TMEM272: variants seen among roughly 807,000 people sequenced by gnomAD.
The protein encoded by TMEM272 is transmembrane protein 272.
In TMEM272, 8 loss-of-function variants were observed where a neutral mutation model predicts 3.7. The observed-to-expected ratio is 2.17, with a 90% confidence interval of 1.27 to 3.91. The LOEUF (loss-of-function observed/expected upper bound fraction) is 3.91. Among genes scored for constraint, TMEM272 ranks in the 30% most tolerant of loss-of-function variants. The probability of loss-of-function intolerance (pLI) is 0.00; values close to 1 mark genes in which losing one functional copy is unlikely to be tolerated. For missense variants in TMEM272, 166 were observed against 91.5 expected, an observed-to-expected ratio of 1.81 and a Z score of -3.32; for synonymous variants, 63 against 39.8, an observed-to-expected ratio of 1.58 and a Z score of -2.20.
chr13:51,924,653 T>C, the TMEM272 span, among the ~76,000 whole-genome samples: 1 of 152,140 alleles, frequency 6.6e-6, no homozygotes, highest in South Asian at 2.1e-4. Flanking sequence ...GCCTGCTTCC[T>C]TCCGTCCTGC....
chr13:51,930,042 G>A, the TMEM272 span, among the ~76,000 whole-genome samples: 59 of 152,292 alleles, frequency 3.9e-4, no homozygotes, highest in African/African-American at 1.3e-3. Flanking sequence ...TCCATGTCCC[G>A]ATGTGGTTCA....
the TMEM272 span, among the ~76,000 whole-genome samples, chr13:51,915,293 G>A: frequency 1.3e-5 from 2 of 152,130 alleles, no homozygotes; most frequent in African/African-American, 2.4e-5. Flanking sequence ...GCCACTTCAC[G>A]CATAGACATA....
At chr13:51,889,624 T>TTG in the TMEM272 span, among the ~76,000 whole-genome samples, 14 of 148,096 alleles carry the variant, frequency 9.5e-5, no homozygotes, top group African/African-American at 2.6e-4. Context: ...ATTTGTTTTT[T>TTG]TGTGTGTGTG....
the TMEM272 span, among the ~76,000 whole-genome samples, chr13:51,917,990 A>G: frequency 3.9e-5 from 6 of 152,128 alleles, no homozygotes; most frequent in African/African-American, 1.4e-4. Flanking sequence ...CCCTCTGGGA[A>G]TTTCTTCCAT....
chr13:51,859,906 G>A, the TMEM272 span, among the ~76,000 whole-genome samples: 1 of 132,098 alleles, frequency 7.6e-6, no homozygotes, highest in African/African-American at 2.8e-5. Flanking sequence ...TTTTTTTTTT[G>A]TTTTGAGACA....
chr13:51,922,828 C>T, the TMEM272 span, among the ~76,000 whole-genome samples: 7 of 152,324 alleles, frequency 4.6e-5, no homozygotes, highest in South Asian at 8.3e-4. Context: ...CATCTCCAAT[C>T]GCATCCCTCC....
At chr13:51,831,756 C>T (rs1377537386) in intron 2 of TMEM272, among the ~76,000 whole-genome samples, 3 of 152,228 alleles carry the variant, frequency 2.0e-5, no homozygotes, top group African/African-American at 7.2e-5. Context: ...CTGGTGATGC[C>T]GCTGTTGCGA....
chr13:51,880,963 A>C, the TMEM272 span, among the ~76,000 whole-genome samples: 1 of 152,250 alleles, frequency 6.6e-6, no homozygotes, highest in Non-Finnish European at 1.5e-5. Context: ...TGTAATAAAT[A>C]AATTCCAGCC....
chr13:51,918,652 G>A, the TMEM272 span, among the ~76,000 whole-genome samples: 22 of 152,048 alleles, frequency 1.4e-4, no homozygotes, highest in African/African-American at 2.9e-4. Context: ...TTGGAACAAC[G>A]TCTTGCTCTG....
intron 4 of TMEM272, among the ~76,000 whole-genome samples, chr13:51,818,008 A>G (rs562160298): frequency 1.1e-4 from 17 of 152,300 alleles, no homozygotes; most frequent in Middle Eastern, 3.4e-3. Flanking sequence ...ATGCCTTAAC[A>G]GCTCCCCGTC....
chr13:51,926,783 T>C, the TMEM272 span, among the ~76,000 whole-genome samples: 3 of 152,330 alleles, frequency 2.0e-5, no homozygotes, highest in South Asian at 2.1e-4. Flanking sequence ...TTGACAGTGA[T>C]AGCATAAGTA....
At chr13:51,851,924 T>G in the TMEM272 span, among the ~76,000 whole-genome samples, 1 of 152,242 alleles carries the variant, frequency 6.6e-6, no homozygotes, top group Non-Finnish European at 1.5e-5. Context: ...CTTCCAATCT[T>G]TTGGAATTAC....
the TMEM272 span, among the ~76,000 whole-genome samples, chr13:51,904,111 G>A: frequency 1.3e-5 from 2 of 152,174 alleles, no homozygotes; most frequent in East Asian, 1.9e-4. Context: ...GTGGTTTTCT[G>A]CAGTGCTGCT....
chr13:51,847,288 G>A (rs1161152649), upstream of TMEM272, among the ~76,000 whole-genome samples: 4 of 152,272 alleles, frequency 2.6e-5, no homozygotes, highest in East Asian at 7.7e-4. Context: ...TACCACCTGA[G>A]CTCCACTTCC....
chr13:51,915,918 CA>C, the TMEM272 span, among the ~76,000 whole-genome samples: 1 of 152,028 alleles, frequency 6.6e-6, no homozygotes, highest in Non-Finnish European at 1.5e-5. Flanking sequence ...ACTAAAAATA[CA>C]AAAATTAGCT....
At chr13:51,849,279 C>T (rs556785173), upstream of TMEM272, among the ~76,000 whole-genome samples, 5 of 152,238 alleles carry the variant, frequency 3.3e-5, no homozygotes, top group African/African-American at 1.2e-4. Context: ...ACTCCACTCA[C>T]GTGAGGCACA....
At chr13:51,858,328 A>C in the TMEM272 span, among the ~76,000 whole-genome samples, 1 of 152,242 alleles carries the variant, frequency 6.6e-6, no homozygotes, top group Non-Finnish European at 1.5e-5. Flanking sequence ...CCACAATTGA[A>C]TGTATACAGG....
intron 1 of TMEM272, among the ~76,000 whole-genome samples, chr13:51,840,841 C>T (rs60995049): frequency 7.5e-4 from 115 of 152,346 alleles, no homozygotes; most frequent in African/African-American, 2.7e-3. Flanking sequence ...AAATCAGGAA[C>T]ACCACAGCCC....
chr13:51,879,962 C>T, the TMEM272 span, among the ~76,000 whole-genome samples: 146,504 of 152,244 alleles, frequency 0.96, 70,507 homozygotes, highest in East Asian at 1. Flanking sequence ...CTCAAGTTGA[C>T]ACCCTGGTTG....
Sources: gnomAD v4.1 joint callset for allele counts (sites outside exome capture counted in the v4.1 genomes callset) on GRCh38, gnomAD v4.1.1 for gene constraint, MANE v1.5 for transcripts, NCBI Gene and HGNC (gene_info 2026-07-23, HGNC 2026-07-21) for gene names.